GAS7: variants seen among roughly 807,000 people sequenced by gnomAD.
GAS7 encodes the protein growth arrest specific 7.
GAS7 carries 28 observed loss-of-function variants against 71.1 expected under a neutral mutation model. That is an observed-to-expected ratio of 0.39 (90% CI 0.29 to 0.54). The LOEUF is 0.54. Among genes scored for constraint, GAS7 ranks in the 20% least tolerant of loss-of-function variants. The pLI is 0.62. For missense variants in GAS7, 436 were observed against 627.8 expected, an observed-to-expected ratio of 0.69 and a Z score of 3.27; for synonymous variants, 258 against 245.8, an observed-to-expected ratio of 1.05 and a Z score of -0.46.
At chr17:9,958,534 C>A (rs923320300) in intron 5 of GAS7, among the ~76,000 whole-genome samples, 8 of 152,128 alleles carry the variant, frequency 5.3e-5, no homozygotes, top group African/African-American at 1.7e-4. Context: ...AGCAAACCTG[C>A]GACCACACTT....
At chr17:10,045,613 C>T (rs1310711567) in intron 1 of GAS7, among the ~76,000 whole-genome samples, 9 of 152,170 alleles carry the variant, frequency 5.9e-5, no homozygotes, top group African/African-American at 1.7e-4. Flanking sequence ...AGGAGAATTG[C>T]TTGAACCCAG....
intron 1 of GAS7, among the ~76,000 whole-genome samples, chr17:10,165,819 GAC>G (rs756995582): frequency 5.3e-5 from 8 of 152,040 alleles, no homozygotes; most frequent in Non-Finnish European, 1.2e-4. Flanking sequence ...CTGGAAACGG[GAC>G]ACTTGTGTGC....
rs529058585 is a variant in GAS7 at position 10,059,208 on chromosome 17, G to A, written c.184-39311C>T. 1.7e-3 allele frequency among the ~76,000 whole-genome samples: 264 copies of A among 152,290 alleles called. 1 individual carries two copies. Among genetic ancestry groups the A allele is most frequent in the Non-Finnish European group, 2.5e-3 (170 of 68,020 alleles). ...GCATCTCCCTCATCTAGAACCTGGG[G>A]GAACTGTATCTGCTGGTTCCCAAGG... is the stretch of plus-strand genomic sequence containing the variant. On this transcript the variant is annotated intron_variant, in intron 1 of 13. Coordinates refer to ENST00000432992, the MANE Select transcript of GAS7 (RefSeq NM_201433.2).
At chr17:10,166,633 T>C (rs1035513588) in intron 1 of GAS7, among the ~76,000 whole-genome samples, 3 of 152,240 alleles carry the variant, frequency 2.0e-5, no homozygotes, top group Admixed American at 6.5e-5. Flanking sequence ...TTTGTCGTTG[T>C]TGGTTTTACA....
intron 2 of GAS7, among the ~76,000 whole-genome samples, chr17:9,991,842 CAT>C (rs1243804243): frequency 6.6e-6 from 1 of 151,710 alleles, no homozygotes; most frequent in Non-Finnish European, 1.5e-5. Context: ...CCAGCTCACG[CAT>C]ATGACTCCCA....
chr17:10,105,979 C>T (rs1042895498), intron 1 of GAS7, among the ~76,000 whole-genome samples: 1 of 152,156 alleles, frequency 6.6e-6, no homozygotes, highest in Admixed American at 6.5e-5. Context: ...ACCTTCTCAT[C>T]ATTATCCCTG....
At chr17:9,929,294 C>T (rs1051990936) in intron 9 of GAS7, among the ~76,000 whole-genome samples, 9 of 152,080 alleles carry the variant, frequency 5.9e-5, no homozygotes, top group African/African-American at 1.9e-4. Flanking sequence ...GTTTCCTGGA[C>T]CCCAGCCCCA....
chr17:10,029,456 T>C (rs2072556411), intron 1 of GAS7, among the ~76,000 whole-genome samples: 1 of 152,186 alleles, frequency 6.6e-6, no homozygotes, highest in Non-Finnish European at 1.5e-5. Context: ...CAGAAATGCA[T>C]ACGTAATTAT....
At chr17:10,079,472 T>C (rs1314345516) in intron 1 of GAS7, among the ~76,000 whole-genome samples, 2 of 152,186 alleles carry the variant, frequency 1.3e-5, no homozygotes, top group Non-Finnish European at 2.9e-5. Context: ...TTACAACCTA[T>C]TCTCTCTGAA....
chr17:10,109,130 A>C (rs2142063670), intron 1 of GAS7, among the ~76,000 whole-genome samples: 1 of 152,238 alleles, frequency 6.6e-6, no homozygotes, highest in East Asian at 1.9e-4. Flanking sequence ...AAAATTTAAA[A>C]AAATAAAAAT....
intron 8 of GAS7, 117 bp downstream of exon 8, chr17:9,940,009 C>A: frequency 1.3e-6 from 1 of 766,678 alleles, no homozygotes; most frequent in South Asian, 1.4e-5. Flanking sequence ...TGAGCCAGGC[C>A]TATGGAGAGC....
At position 10,111,261 on chromosome 17, in the gene GAS7, G is replaced by A. The variant is rs1444518615; in HGVS notation, c.183+86947C>T. Among the ~76,000 whole-genome samples the A allele has an allele frequency of 1.1e-4, 16 of 151,478 alleles. No homozygotes were observed. In the East Asian group the frequency reaches 2.2e-3, roughly 20 times the overall value. On this transcript the variant is annotated intron_variant, in intron 1 of 13. Coordinates refer to ENST00000432992, the MANE Select transcript of GAS7 (RefSeq NM_201433.2). ...ACTAAAAATACAGAAATGGCCAGGC[G>A]CAATGGCTCACGCCTGTAATCCCAC...
At chr17:10,080,585 A>T (rs1362785301) in intron 1 of GAS7, among the ~76,000 whole-genome samples, 1 of 152,208 alleles carries the variant, frequency 6.6e-6, no homozygotes, top group East Asian at 1.9e-4. Context: ...ACCCCTTTCC[A>T]GTAACACTGA....
Position 9,914,214 on chromosome 17 carries a change from C to T in GAS7, c.*3014G>A, listed in dbSNP as rs2067518866. ...CTGGTTACCCTTGAGCTTCACTTTC[C>T]TATTTGCAAAGAGTTATTTATAATT... On this transcript the variant is annotated 3_prime_UTR_variant, in exon 14 of 14. Coordinates refer to ENST00000432992, the MANE Select transcript of GAS7 (RefSeq NM_201433.2). 4.7e-6 allele frequency: 1 copy of T among 214,042 alleles called. No individual in the cohort carries two copies. The highest frequency in any genetic ancestry group is 1.9e-4 in the South Asian group (1 of 5,390). The allele number at this position is 214,042 out of a possible 1,614,324, so 13.3% of individuals were successfully genotyped here.
intron 1 of GAS7, among the ~76,000 whole-genome samples, chr17:10,155,794 A>G (rs960291542): frequency 6.6e-6 from 1 of 152,242 alleles, no homozygotes; most frequent in Non-Finnish European, 1.5e-5. Context: ...TTTGATCCTT[A>G]AAATAACCCT....
chr17:10,165,308 A>AG (rs1555539060), intron 1 of GAS7, among the ~76,000 whole-genome samples: 37 of 151,450 alleles, frequency 2.4e-4, no homozygotes, highest in Admixed American at 7.2e-4. Context: ...AAAAAAAAAA[A>AG]AAAGAAAACA....
rs1042213843 is a variant in GAS7 at position 10,103,544 on chromosome 17, G to A, written c.184-83647C>T. Among the ~76,000 whole-genome samples the A allele has an allele frequency of 4.6e-5, 7 of 151,862 alleles. No homozygotes were observed. Among genetic ancestry groups the A allele is most frequent in the South Asian group, 2.1e-4 (1 of 4,808 alleles). On this transcript the variant is annotated intron_variant, in intron 1 of 13. Transcript: ENST00000432992. This position sits in a 1 kb window ranked among gnomAD's most constrained non-coding sequence, Gnocchi z 5.5. ...TCACTTAGAAAGATAGGAACAACCC[G>A]GCCAGGCGCGATGGCTCCCACCTGT... is the stretch of plus-strand genomic sequence containing the variant.
intron 2 of GAS7, among the ~76,000 whole-genome samples, chr17:9,991,809 C>G (rs897647352): frequency 6.6e-6 from 1 of 152,118 alleles, no homozygotes; most frequent in Admixed American, 6.5e-5. Context: ...GTCACCGAGA[C>G]AACAGGTGCT....
chr17:10,087,053 C>G (rs2073527315), intron 1 of GAS7, among the ~76,000 whole-genome samples: 1 of 152,198 alleles, frequency 6.6e-6, no homozygotes, highest in African/African-American at 2.4e-5. Context: ...AGAGACTGAT[C>G]AGGGTCTGTG....
Sources: gnomAD v4.1 joint callset for allele counts (sites outside exome capture counted in the v4.1 genomes callset) on GRCh38, gnomAD v4.1.1 for gene constraint, Gnocchi (gnomAD v3.1) non-coding constraint, MANE v1.5 for transcripts, NCBI Gene and HGNC (gene_info 2026-07-23, HGNC 2026-07-21) for gene names.